ITPR2: variants seen among roughly 807,000 people sequenced by gnomAD.
ITPR2 encodes the protein inositol 1,4,5-trisphosphate-gated calcium channel ITPR2.
ITPR2 carries 207 observed loss-of-function variants against 317.1 expected under a neutral mutation model. That is an observed-to-expected ratio of 0.65 (90% CI 0.58 to 0.73). The LOEUF is 0.73. Among genes scored for constraint, ITPR2 ranks in the 30% least tolerant of loss-of-function variants. The pLI, the probability that ITPR2 is intolerant of heterozygous loss-of-function variation, is 0.00. For synonymous variants in ITPR2, 1,156 were observed against 1,149.1 expected (o/e 1.01, Z -0.12); for missense variants, 2,613 against 3,284.0 (o/e 0.80, Z 4.99).
chr12:26,403,902 C>T (rs1940260721), intron 52 of ITPR2, among the ~76,000 whole-genome samples: 1 of 152,084 alleles, frequency 6.6e-6, no homozygotes, highest in Non-Finnish European at 1.5e-5. Context: ...GAAGACGAAG[C>T]TGGAGCGATA....
chr12:26,484,043 GGAGA>G (rs1299314759), intron 41 of ITPR2, 145 bp from the exon 42 acceptor site: 23 of 663,256 alleles, frequency 3.5e-5, no homozygotes, highest in South Asian at 2.9e-4. Context: ...ACTTAAGGAG[GGAGA>G]AACGCCCTTA....
chr12:26,342,783 A>ATCAC (rs1938176722), intron 55 of ITPR2, among the ~76,000 whole-genome samples: 1 of 151,846 alleles, frequency 6.6e-6, no homozygotes, highest in African/African-American at 2.4e-5. Context: ...CTGATTTTGA[A>ATCAC]TTTTTAGTAG....
chr12:26,819,341 T>C (rs1472970985), intron 1 of ITPR2, among the ~76,000 whole-genome samples: 1 of 152,208 alleles, frequency 6.6e-6, no homozygotes, highest in Non-Finnish European at 1.5e-5. Flanking sequence ...GCAAAGCTCA[T>C]TACAACAGAC....
intron 1 of ITPR2, among the ~76,000 whole-genome samples, chr12:26,821,744 T>C (rs2137293956): frequency 6.6e-6 from 1 of 152,342 alleles, no homozygotes; most frequent in East Asian, 1.9e-4. Flanking sequence ...TGAGATCAAA[T>C]AGTAAGAATG....
intron 37 of ITPR2, among the ~76,000 whole-genome samples, chr12:26,521,638 C>T (rs1212679703): frequency 3.3e-5 from 5 of 152,094 alleles, no homozygotes; most frequent in East Asian, 3.9e-4. Context: ...AGACGATCTT[C>T]GTAAAAAGAG....
intron 54 of ITPR2, among the ~76,000 whole-genome samples, chr12:26,396,806 C>G (rs930819802): frequency 6.6e-6 from 1 of 152,176 alleles, no homozygotes; most frequent in Non-Finnish European, 1.5e-5. Context: ...ATATTCCTAC[C>G]TAAATTGTTT....
intron 55 of ITPR2, among the ~76,000 whole-genome samples, chr12:26,350,414 T>C (rs536262369): frequency 6.6e-6 from 1 of 152,170 alleles, no homozygotes; most frequent in South Asian, 2.1e-4. Flanking sequence ...AGGCACTGTA[T>C]GTACTAGCCC....
At chr12:26,539,482 G>C (rs982462439) in intron 37 of ITPR2, among the ~76,000 whole-genome samples, 1 of 151,340 alleles carries the variant, frequency 6.6e-6, no homozygotes, top group Non-Finnish European at 1.5e-5. Context: ...GTTTCTTTTT[G>C]TAGCCTGGCT....
chr12:26,448,379 A>G (rs1290773130), intron 45 of ITPR2, among the ~76,000 whole-genome samples: 1 of 151,928 alleles, frequency 6.6e-6, no homozygotes, highest in African/African-American at 2.4e-5. Context: ...TGGGGGGGAA[A>G]TCTCTGGGTC....
chr12:26,660,653 T>C (rs899706258), intron 15 of ITPR2, among the ~76,000 whole-genome samples: 2 of 152,362 alleles, frequency 1.3e-5, no homozygotes, highest in East Asian at 3.9e-4. Context: ...CTTTGTGTAT[T>C]GGGGAGCCAG....
rs567961412 is a variant in ITPR2, at chr12:26,608,053, G to T, written c.3463-5347C>A. ...GGAGAATGGCGTGAATCCGGGAGGT[G>T]GAGCTTGCAGTGAGCCGAGATCGTG... is the stretch of plus-strand genomic sequence containing the variant. On this transcript the variant is annotated intron_variant, in intron 26 of 56. Coordinates refer to ENST00000381340, the MANE Select transcript of ITPR2 (RefSeq NM_002223.4). Among the ~76,000 whole-genome samples the T allele has an allele frequency of 1.1e-3, 168 of 152,272 alleles. 1 individual carries two copies. The highest frequency in any genetic ancestry group is 4.0e-3 in the African/African-American group (166 of 41,552).
At chr12:26,806,550 A>AC (rs1442011482) in intron 1 of ITPR2, among the ~76,000 whole-genome samples, 3 of 152,242 alleles carry the variant, frequency 2.0e-5, no homozygotes, top group Non-Finnish European at 4.4e-5. Flanking sequence ...GAATCCCTTC[A>AC]CTACGTCTTA....
chr12:26,675,051 G>A (rs952781649), intron 13 of ITPR2, among the ~76,000 whole-genome samples: 1 of 152,082 alleles, frequency 6.6e-6, no homozygotes, highest in Non-Finnish European at 1.5e-5. Context: ...GAAACAACAG[G>A]TGCTGGAGAG....
chr12:26,475,954 AC>A (rs1287091133), intron 44 of ITPR2, among the ~76,000 whole-genome samples: 1 of 152,218 alleles, frequency 6.6e-6, no homozygotes. Context: ...GAAGGGGATG[AC>A]AGAATAAAGG....
chr12:26,354,356 A>G (rs188334072), intron 55 of ITPR2, among the ~76,000 whole-genome samples: 4 of 152,224 alleles, frequency 2.6e-5, no homozygotes, highest in Non-Finnish European at 5.9e-5. Flanking sequence ...CACACAAATA[A>G]ATGGGTAAAT....
chr12:26,799,228 T>C (rs1011226663), intron 1 of ITPR2, among the ~76,000 whole-genome samples: 4 of 152,182 alleles, frequency 2.6e-5, no homozygotes, highest in African/African-American at 9.7e-5. Flanking sequence ...AAAGACATAA[T>C]TAACCTATAC....
At chr12:26,781,131 G>A (rs1950068398) in intron 2 of ITPR2, among the ~76,000 whole-genome samples, 1 of 152,192 alleles carries the variant, frequency 6.6e-6, no homozygotes, top group Non-Finnish European at 1.5e-5. Context: ...CCCAATCCCG[G>A]CAGGACTACA....
rs57055493 is a variant in ITPR2 at position 26,538,289 on chromosome 12, T to C, written c.5073+11958A>G. 9.2e-3 allele frequency among the ~76,000 whole-genome samples: 1,405 copies of C among 152,230 alleles called. 22 individuals are homozygous for C. Among genetic ancestry groups the C allele is most frequent in the African/African-American group, 0.032 (1,349 of 41,526 alleles). On this transcript the variant is annotated intron_variant, in intron 37 of 56. Transcript: ENST00000381340. ...TAAAAGTTTAAGCTGTTACTATTAT[T>C]TGGGGCATGTACCTGAAAGTTAGAT...
At chr12:26,562,921 A>T (rs922989845) in intron 34 of ITPR2, among the ~76,000 whole-genome samples, 4 of 152,312 alleles carry the variant, frequency 2.6e-5, no homozygotes, top group Admixed American at 2.0e-4. Context: ...TATAATTAAA[A>T]AAAAAAAGAA....
Sources: gnomAD v4.1 joint callset for allele counts (sites outside exome capture counted in the v4.1 genomes callset) on GRCh38, gnomAD v4.1.1 for gene constraint, MANE v1.5 for transcripts, NCBI Gene and HGNC (gene_info 2026-07-23, HGNC 2026-07-21) for gene names.